The following SLC4A5 variants were observed in gnomAD, a reference collection of about 807,000 sequenced individuals.
SLC4A5 encodes the protein solute carrier family 4 member 5.
In SLC4A5, 96 loss-of-function variants were observed where a neutral mutation model predicts 120.4. The ratio of observed to expected loss-of-function variants is 0.80; its 90% CI spans 0.68 to 0.94. SLC4A5 has a LOEUF of 0.94. SLC4A5 is among the 40% of genes least tolerant of loss of function. The probability of loss-of-function intolerance (pLI) is 0.00; values close to 1 mark genes in which losing one functional copy is unlikely to be tolerated. For synonymous variants in SLC4A5, 550 were observed against 571.1 expected (o/e 0.96, Z 0.53); for missense variants, 1,259 against 1,459.5 (o/e 0.86, Z 2.24).
chr2:74,270,851 G>A (rs535204973), intron 8 of SLC4A5, among the ~76,000 whole-genome samples: 4 of 152,290 alleles, frequency 2.6e-5, no homozygotes, highest in East Asian at 3.9e-4. Flanking sequence ...GGGTCCCAAC[G>A]CAGGCAAACG....
intron 22 of SLC4A5, 129 bp from the exon 23 acceptor site, chr2:74,233,692 C>T: frequency 9.4e-7 from 1 of 1,060,244 alleles, no homozygotes; most frequent in Non-Finnish European, 1.3e-6. Flanking sequence ...AATCTTTTCC[C>T]TTAAACACCT....
chr2:74,219,221 T>TGTGTGTG (rs1558861679), intron 30 of SLC4A5, among the ~76,000 whole-genome samples: 88 of 90,320 alleles, frequency 9.7e-4, no homozygotes, highest in South Asian at 1.8e-3. Flanking sequence ...GTGTGTGTGT[T>TGTGTGTG]TGTGTGTGTT....
In SLC4A5 at chr2:74,235,120, T is replaced by C. The variant is rs771503142; in HGVS notation, c.2414A>G (p.His805Arg). ...GCAAACCTTGATGACACTGGGCACATGCAGCTTGGGAGTTTCTAGGCCAAA... is the reference window on the plus strand; with the variant it reads ...GCAAACCTTGATGACACTGGGCACACGCAGCTTGGGAGTTTCTAGGCCAAA... Residue 805 changes from histidine (H) to arginine (R), a missense_variant, in exon 22 of 31, where the codon CAT becomes CGT. Transcript: ENST00000394019. 8 of 1,614,082 alleles carry C rather than the reference T, an allele frequency of 5.0e-6. No individual in the cohort carries two copies. The East Asian group carries it at 6.7e-5, about 13-fold the overall frequency.
chr2:74,293,469 C>T (rs1672236198), intron 7 of SLC4A5, among the ~76,000 whole-genome samples: 1 of 152,190 alleles, frequency 6.6e-6, no homozygotes, highest in African/African-American at 2.4e-5. Context: ...TGTCCCAAGC[C>T]TGTGAATTTT....
At chr2:74,217,557 G>A (rs1417310005) in exon 31 of SLC4A5, 1 of 152,146 alleles carries the variant, frequency 6.6e-6, no homozygotes, top group Non-Finnish European at 1.5e-5. Context: ...AATTTGCAGG[G>A]AGGACCCACC....
At chr2:74,223,641 C>T (rs1694737886) in intron 28 of SLC4A5, among the ~76,000 whole-genome samples, 1 of 152,192 alleles carries the variant, frequency 6.6e-6, no homozygotes, top group African/African-American at 2.4e-5. Context: ...GATTCTTTTT[C>T]CCAACCCTGT....
At chr2:74,226,607 C>A (rs915554425) in intron 27 of SLC4A5, among the ~76,000 whole-genome samples, 5 of 152,096 alleles carry the variant, frequency 3.3e-5, no homozygotes, top group African/African-American at 9.7e-5. Context: ...ATATTTAGTA[C>A]GCATCGACTT....
intron 7 of SLC4A5, among the ~76,000 whole-genome samples, chr2:74,293,442 A>G (rs1175293166): frequency 6.6e-6 from 1 of 152,144 alleles, no homozygotes; most frequent in Non-Finnish European, 1.5e-5. Context: ...TGGAGCAGGA[A>G]TGGTTCATTG....
chr2:74,224,916 A>G, exon 28 of SLC4A5: 1 of 1,613,492 alleles, frequency 6.2e-7, no homozygotes, highest in Non-Finnish European at 8.5e-7. Flanking sequence ...CTTCTCTGGG[A>G]GGATGTTGTC....
chr2:74,334,663 AATAGAGCCTGGCTC>A (rs1673440204), intron 3 of SLC4A5, among the ~76,000 whole-genome samples: 1 of 152,186 alleles, frequency 6.6e-6, no homozygotes, highest in Non-Finnish European at 1.5e-5. Context: ...TGATACCTAG[AATAGAGCCTGGCTC>A]ATAAATGATT....
At chr2:74,288,072 G>A (rs1672040739) in intron 7 of SLC4A5, among the ~76,000 whole-genome samples, 3 of 152,122 alleles carry the variant, frequency 2.0e-5, no homozygotes, top group South Asian at 2.1e-4. Context: ...ACAGTTCAAA[G>A]GTGTGTTTAA....
At position 74,329,620 on chromosome 2, in the gene SLC4A5, G is replaced by A. The variant is rs886740142; in HGVS notation, c.-69-1434C>T. Reference sequence around the variant, plus strand: ...ACAAACAAACAAACAAACAAACATGGTGAGGTGTAGATGGAGGTGGTGTGA... The same window carrying A: ...ACAAACAAACAAACAAACAAACATGATGAGGTGTAGATGGAGGTGGTGTGA... On this transcript the variant is annotated intron_variant, in intron 4 of 30. Coordinates refer to ENST00000394019, the Ensembl canonical transcript of SLC4A5. 3.3e-5 allele frequency among the ~76,000 whole-genome samples: 5 copies of A among 151,904 alleles called. 1 individual carries two copies. Among genetic ancestry groups the A allele is most frequent in the Admixed American group, 6.5e-5 (1 of 15,272 alleles).
intron 6 of SLC4A5, chr2:74,307,173 A>G: frequency 1.8e-6 from 1 of 559,188 alleles, no homozygotes; most frequent in African/African-American, 1.9e-5. Context: ...CTGCATGGTG[A>G]CCACTGTGGT....
At chr2:74,287,325 G>A (rs1330789382) in intron 7 of SLC4A5, among the ~76,000 whole-genome samples, 2 of 152,160 alleles carry the variant, frequency 1.3e-5, no homozygotes, top group Non-Finnish European at 2.9e-5. Context: ...TGGCTGGGGT[G>A]GGGATGGCAG....
chr2:74,225,273 G>A (rs146324149), intron 27 of SLC4A5, among the ~76,000 whole-genome samples: 1 of 152,278 alleles, frequency 6.6e-6, no homozygotes, highest in East Asian at 1.9e-4. Flanking sequence ...GAAAGGCCAT[G>A]GGCTGGAGAA....
chr2:74,334,462 CA>C (rs1302064724), intron 3 of SLC4A5, among the ~76,000 whole-genome samples: 1 of 152,196 alleles, frequency 6.6e-6, no homozygotes, highest in Non-Finnish European at 1.5e-5. Flanking sequence ...ACTATTTGGT[CA>C]AATGCCATCT....
At chr2:74,264,704 T>C (rs948382213) in intron 9 of SLC4A5, among the ~76,000 whole-genome samples, 2 of 152,042 alleles carry the variant, frequency 1.3e-5, no homozygotes, top group African/African-American at 4.8e-5. Flanking sequence ...TCACAAAAAT[T>C]TTTAGGGGTG....
At chr2:74,328,617 C>G (rs575962202) in intron 4 of SLC4A5, among the ~76,000 whole-genome samples, 8 of 152,214 alleles carry the variant, frequency 5.3e-5, no homozygotes, top group Non-Finnish European at 8.8e-5. Context: ...AAAATTGAGG[C>G]CCAGAGAGGG....
At chr2:74,250,645 C>T (rs1670761341) in intron 16 of SLC4A5, 128 bp from the exon 17 acceptor site, 2 of 1,114,858 alleles carry the variant, frequency 1.8e-6, no homozygotes, top group Non-Finnish European at 2.6e-6. Context: ...GGGCAAAGAT[C>T]TTTCCACCAG....
Sources: allele counts gnomAD v4.1 joint callset (sites outside exome capture counted in the v4.1 genomes callset), GRCh38; gene constraint gnomAD v4.1.1; transcripts MANE v1.5; gene names NCBI Gene and HGNC (gene_info 2026-07-23, HGNC 2026-07-21).